The following ASTN2 variants were observed in gnomAD, a reference collection of about 807,000 sequenced individuals.
The protein encoded by ASTN2 is astrotactin-2.
A neutral mutation model predicts 139.8 loss-of-function variants in ASTN2; 54 were observed. The observed-to-expected ratio is 0.39, with a 90% CI of 0.31 to 0.48. ASTN2 has a LOEUF of 0.48. ASTN2 is among the 20% of genes least tolerant of loss of function. ASTN2 has a pLI of 0.95. For missense variants in ASTN2, 1,565 were observed against 1,725.1 expected (o/e 0.91, Z 1.64); for synonymous variants, 756 against 719.5 (o/e 1.05, Z -0.81).
At position 116,837,181 on chromosome 9, in the gene ASTN2, T is replaced by G. The variant is rs1832028061; in HGVS notation, c.2041-16398A>C. On this transcript the variant is annotated intron_variant, in intron 11 of 22. Transcript: ENST00000313400. ...AAGGAGTCTGGGGAAGCAGGCTCTG[T>G]GCATCTGGGCAGGGGCTTGAGAAAG... 2.6e-5 allele frequency among the ~76,000 whole-genome samples: 4 copies of G among 152,174 alleles called. No individual in the cohort carries two copies. The South Asian group carries it at 8.3e-4, about 31-fold the overall frequency.
intron 2 of ASTN2, among the ~76,000 whole-genome samples, chr9:117,263,540 CGTATA>C (rs1833872814): frequency 6.6e-6 from 1 of 152,154 alleles, no homozygotes; most frequent in Admixed American, 6.5e-5. Flanking sequence ...AATTGGCTAT[CGTATA>C]GCTTCAGTCA....
chr9:117,001,370 G>A (rs763873156), intron 7 of ASTN2, among the ~76,000 whole-genome samples: 2 of 152,154 alleles, frequency 1.3e-5, no homozygotes, highest in Non-Finnish European at 2.9e-5. Flanking sequence ...AATTCCTGAT[G>A]GGAAGCAAAG....
intron 5 of ASTN2, among the ~76,000 whole-genome samples, chr9:117,065,220 G>C (rs920289522): frequency 1.3e-5 from 2 of 152,088 alleles, no homozygotes; most frequent in Non-Finnish European, 2.9e-5. Flanking sequence ...ACCCACACTG[G>C]AATACCTTGA....
At chr9:116,837,470 G>A (rs1260876349) in intron 11 of ASTN2, among the ~76,000 whole-genome samples, 2 of 152,184 alleles carry the variant, frequency 1.3e-5, no homozygotes, top group Non-Finnish European at 2.9e-5. Context: ...CCACAGGCTA[G>A]CCCTGCTGGG....
intron 5 of ASTN2, among the ~76,000 whole-genome samples, chr9:117,060,307 T>C (rs1259127899): frequency 2.8e-5 from 3 of 108,794 alleles, no homozygotes; most frequent in African/African-American, 1.1e-4. Flanking sequence ...CAAGACTCTG[T>C]CAAAAAAGAA....
intron 19 of ASTN2, among the ~76,000 whole-genome samples, chr9:116,518,290 T>C (rs1220329074): frequency 6.6e-6 from 1 of 152,090 alleles, no homozygotes; most frequent in African/African-American, 2.4e-5. Context: ...AGAAAACCTA[T>C]CAGATTAAGA....
At chr9:116,500,959 T>A (rs1305387992) in intron 19 of ASTN2, among the ~76,000 whole-genome samples, 2 of 152,154 alleles carry the variant, frequency 1.3e-5, no homozygotes, top group African/African-American at 4.8e-5. Flanking sequence ...CACTTTTTGA[T>A]CCTCCCAAAC....
At chr9:117,370,102 T>G (rs1829950292) in intron 1 of ASTN2, among the ~76,000 whole-genome samples, 1 of 152,146 alleles carries the variant, frequency 6.6e-6, no homozygotes, top group Non-Finnish European at 1.5e-5. Flanking sequence ...TGAATGATTA[T>G]GAATATAAAT....
intron 10 of ASTN2, among the ~76,000 whole-genome samples, chr9:116,884,135 T>C (rs913124659): frequency 6.6e-6 from 1 of 152,066 alleles, no homozygotes; most frequent in African/African-American, 2.4e-5. Flanking sequence ...TAGAGATGCT[T>C]GGTGAATTCC....
chr9:116,506,147 GT>G (rs2119161918), intron 19 of ASTN2, among the ~76,000 whole-genome samples: 1 of 152,282 alleles, frequency 6.6e-6, no homozygotes, highest in South Asian at 2.1e-4. Context: ...TTCTGGAATA[GT>G]GTTCGGTATG....
chr9:117,410,283 G>A (rs781269274), intron 1 of ASTN2, among the ~76,000 whole-genome samples: 34 of 152,130 alleles, frequency 2.2e-4, no homozygotes, highest in Non-Finnish European at 3.4e-4. Context: ...AGCAGACCCC[G>A]GGGGCTGCCT....
At chr9:116,762,371 G>T (rs2132170020) in intron 13 of ASTN2, among the ~76,000 whole-genome samples, 1 of 152,164 alleles carries the variant, frequency 6.6e-6, no homozygotes, top group South Asian at 2.1e-4. Flanking sequence ...TATCTTGCAG[G>T]GCCTCCAAGG....
At chr9:116,598,951 T>C (rs1854727279) in intron 19 of ASTN2, among the ~76,000 whole-genome samples, 1 of 152,216 alleles carries the variant, frequency 6.6e-6, no homozygotes, top group Non-Finnish European at 1.5e-5. Flanking sequence ...GTCTAAATAA[T>C]GGCGAATGGC....
At chr9:116,729,168 G>T in intron 14 of ASTN2, 72 bp from the exon 15 acceptor site, 1 of 1,189,046 alleles carries the variant, frequency 8.4e-7, no homozygotes, top group Non-Finnish European at 1.2e-6. Context: ...TCACCCTGCA[G>T]CTCTTGGCTC....
chr9:116,690,031 G>T (rs1360642584), intron 16 of ASTN2, among the ~76,000 whole-genome samples: 2 of 152,140 alleles, frequency 1.3e-5, no homozygotes, highest in Non-Finnish European at 2.9e-5. Context: ...GCTGAAGCCA[G>T]TTCAGAAACA....
intron 11 of ASTN2, among the ~76,000 whole-genome samples, chr9:116,841,112 C>T (rs536229735): frequency 1.3e-5 from 2 of 152,354 alleles, no homozygotes; most frequent in Non-Finnish European, 2.9e-5. Context: ...AACGAGACTC[C>T]GTCTGCAATC....
At position 117,291,851 on chromosome 9, in the gene ASTN2, A is replaced by G. The variant is rs181445295; in HGVS notation, c.443-338T>C. ...AAAGTGCTTTCATTCTTTTGTGGCT[A>G]TGGAACTAGAAGAAGATGAAGGAAA... is the stretch of plus-strand genomic sequence containing the variant. On this transcript the variant is annotated intron_variant, in intron 1 of 22. Transcript: ENST00000313400. 1.7e-3 allele frequency among the ~76,000 whole-genome samples: 258 copies of G among 152,316 alleles called. 2 individuals are homozygous for G. Among genetic ancestry groups the G allele is most frequent in the South Asian group, 6.0e-3 (29 of 4,826 alleles).
intron 5 of ASTN2, among the ~76,000 whole-genome samples, chr9:117,081,340 T>G (rs957199270): frequency 2.6e-5 from 4 of 152,104 alleles, no homozygotes; most frequent in Non-Finnish European, 4.4e-5. Flanking sequence ...CTACCCAGAA[T>G]CCATAAATAA....
At chr9:117,059,470 G>A (rs376119381) in intron 5 of ASTN2, among the ~76,000 whole-genome samples, 2 of 151,982 alleles carry the variant, frequency 1.3e-5, no homozygotes, top group African/African-American at 4.8e-5. Context: ...AAAATTAGCT[G>A]GGCATGGTGA....
Sources: gnomAD v4.1 joint callset for allele counts (sites outside exome capture counted in the v4.1 genomes callset) on GRCh38, gnomAD v4.1.1 for gene constraint, MANE v1.5 for transcripts, NCBI Gene and HGNC (gene_info 2026-07-23, HGNC 2026-07-21) for gene names.